The following PDE8B variants were observed in gnomAD, a reference collection of about 807,000 sequenced individuals.
The protein encoded by PDE8B is high affinity cAMP-specific and IBMX-insensitive 3',5'-cyclic phosphodiesterase 8B.
PDE8B carries 26 observed loss-of-function variants against 101.3 expected under a neutral mutation model. That is an observed-to-expected ratio of 0.26 (90% confidence interval 0.19 to 0.36). PDE8B has a LOEUF of 0.36. Among genes scored for constraint, PDE8B ranks in the 10% least tolerant of loss-of-function variants. The pLI, the probability that PDE8B is intolerant of heterozygous loss-of-function variation, is 1.00. For missense variants in PDE8B, 810 were observed against 1,163.1 expected (o/e 0.70, Z 4.42); for synonymous variants, 424 against 429.3 (o/e 0.99, Z 0.15).
At chr5:77,120,076 T>C in the PDE8B span, among the ~76,000 whole-genome samples, 29 of 152,194 alleles carry the variant, frequency 1.9e-4, 1 homozygote, top group African/African-American at 6.5e-4. Context: ...GGTATGTTCA[T>C]GCAATGGAAT....
At chr5:77,137,653 A>C in the PDE8B span, among the ~76,000 whole-genome samples, 1 of 152,158 alleles carries the variant, frequency 6.6e-6, no homozygotes, top group Non-Finnish European at 1.5e-5. Context: ...CCTGCAGAAA[A>C]AGGCTCCCTA....
At chr5:77,203,782 C>T in the PDE8B span, among the ~76,000 whole-genome samples, 1,327 of 152,222 alleles carry the variant, frequency 8.7e-3, 12 homozygotes, top group Non-Finnish European at 0.013. Context: ...ATGTGATACA[C>T]GGTAGCCACT....
intron 16 of PDE8B, among the ~76,000 whole-genome samples, chr5:77,412,700 A>G (rs1008782257): frequency 1.3e-5 from 2 of 152,118 alleles, no homozygotes; most frequent in African/African-American, 2.4e-5. Context: ...GTAAATAAGT[A>G]ACAGGACTCT....
the PDE8B span, among the ~76,000 whole-genome samples, chr5:77,203,930 T>C: frequency 1.1e-4 from 17 of 152,186 alleles, 1 homozygote; most frequent in Middle Eastern, 0.01. Flanking sequence ...CTTTAAAAAA[T>C]TGCCCATGAG....
intron 11 of PDE8B, among the ~76,000 whole-genome samples, chr5:77,401,960 A>G (rs1792377864): frequency 6.6e-6 from 1 of 152,206 alleles, no homozygotes; most frequent in Admixed American, 6.5e-5. Flanking sequence ...TTAGAATTCA[A>G]CCAGCTAGCC....
Position 77,404,762 on chromosome 5 carries a change from T to C in PDE8B, c.1253T>C (p.Ile418Thr). 1.2e-6 allele frequency: 2 copies of C among 1,608,240 alleles called. No individual in the cohort carries two copies. Among genetic ancestry groups the C allele is most frequent in the Non-Finnish European group, 1.7e-6 (2 of 1,174,724 alleles). The change falls in exon 12 of 22, where the codon ATT becomes ACT. Residue 418 changes from isoleucine to threonine, a missense_variant. This residue lies in a region of PDE8B where 75 missense variants were observed against 76.9 expected (regional missense o/e 0.98). Coordinates refer to ENST00000264917, the MANE Select transcript of PDE8B (RefSeq NM_003719.5). Reference protein sequence around the residue: ...FRYKNRRKESIDVKSISSRGS... With the variant: ...FRYKNRRKESTDVKSISSRGS... ...TATAAGAACAGGAGGAAAGAGTCCA[T>C]TGACGTGAAATCGATATCATCTCGA...
At chr5:77,277,222 C>T (rs1253788278) in intron 1 of PDE8B, among the ~76,000 whole-genome samples, 12 of 152,178 alleles carry the variant, frequency 7.9e-5, no homozygotes, top group African/African-American at 2.4e-5. Flanking sequence ...AAATCACCTG[C>T]ATACATTCTT....
chr5:77,136,836 T>G, the PDE8B span, among the ~76,000 whole-genome samples: 1 of 152,238 alleles, frequency 6.6e-6, no homozygotes, highest in Non-Finnish European at 1.5e-5. Flanking sequence ...TAGAAACTTC[T>G]GGTTCAGTTT....
At chr5:77,157,939 A>C in the PDE8B span, among the ~76,000 whole-genome samples, 115,550 of 151,732 alleles carry the variant, frequency 0.76, 44,347 homozygotes, top group African/African-American at 0.85. Context: ...ATTCAATCAG[A>C]CGGTATTTAC....
the PDE8B span, among the ~76,000 whole-genome samples, chr5:77,093,828 C>G: frequency 6.6e-6 from 1 of 152,240 alleles, no homozygotes; most frequent in African/African-American, 2.4e-5. Flanking sequence ...TTTCTCTGAT[C>G]TCTCGGTGTC....
intron 1 of PDE8B, chr5:77,291,262 G>A (rs770966987): frequency 7.4e-6 from 12 of 1,612,690 alleles, no homozygotes; most frequent in Non-Finnish European, 9.3e-6. Flanking sequence ...ATCCGAGTTG[G>A]GAACCCATGG....
At position 77,211,283 on chromosome 5, in the gene PDE8B, C is replaced by T. The variant is rs1195791474; in HGVS notation, c.339+19C>T. Reference sequence around the variant, plus strand: ...CGTGAAGGTAAATGCCCCGCGCTGGCACACGCCGTGGGGGCCGTCCGCCCC... The same window carrying T: ...CGTGAAGGTAAATGCCCCGCGCTGGTACACGCCGTGGGGGCCGTCCGCCCC... On this transcript the variant is annotated intron_variant, in intron 1 of 21. Transcript: ENST00000264917. This position sits in a 1 kb window ranked among gnomAD's most constrained non-coding sequence, Gnocchi z 4.1. 1 of 1,538,864 alleles carries T rather than the reference C, an allele frequency of 6.5e-7. No individual in the cohort carries two copies. The highest frequency in any genetic ancestry group is 8.7e-7 in the Non-Finnish European group (1 of 1,150,056).
chr5:77,371,558 T>G (rs1457565126), intron 10 of PDE8B, among the ~76,000 whole-genome samples: 1 of 152,212 alleles, frequency 6.6e-6, no homozygotes, highest in Non-Finnish European at 1.5e-5. Context: ...TTGCATGATT[T>G]GGTATTCTAT....
intron 18 of PDE8B, among the ~76,000 whole-genome samples, chr5:77,418,676 C>T (rs192636020): frequency 2.4e-4 from 36 of 152,344 alleles, no homozygotes; most frequent in African/African-American, 8.2e-4. Flanking sequence ...CAGAACACTA[C>T]ATAAATATTG....
At chr5:77,259,960 G>A (rs1760129896) in intron 1 of PDE8B, among the ~76,000 whole-genome samples, 1 of 152,008 alleles carries the variant, frequency 6.6e-6, no homozygotes, top group African/African-American at 2.4e-5. Context: ...TCAGGAGATC[G>A]AGACCAGCCT....
rs1757760914 is a variant in PDE8B at position 77,250,041 on chromosome 5, A to G, written c.339+38777A>G. Among the ~76,000 whole-genome samples, 6 of 152,228 alleles carry G rather than the reference A, an allele frequency of 3.9e-5. No individual in the cohort carries two copies. The South Asian group carries it at 1.2e-3, about 32-fold the overall frequency. ...GCTTAATTGCTTCCATTTTAAAGAG[A>G]AAAACAACGTAATAAGACTAAGATC... On this transcript the variant is annotated intron_variant, in intron 1 of 21. Coordinates refer to ENST00000264917, the MANE Select transcript of PDE8B (RefSeq NM_003719.5).
At chr5:77,317,200 T>G (rs963753940) in intron 2 of PDE8B, among the ~76,000 whole-genome samples, 4 of 152,236 alleles carry the variant, frequency 2.6e-5, no homozygotes, top group African/African-American at 7.2e-5. Flanking sequence ...TTTTTATGCT[T>G]CTTCTACTAA....
At chr5:77,375,496 C>A (rs1785890082) in intron 10 of PDE8B, among the ~76,000 whole-genome samples, 1 of 152,198 alleles carries the variant, frequency 6.6e-6, no homozygotes, top group Non-Finnish European at 1.5e-5. Flanking sequence ...AATTGAAAAG[C>A]TAGGAGAGAG....
chr5:77,353,553 C>A, intron 10 of PDE8B, 147 bp downstream of exon 10: 1 of 690,064 alleles, frequency 1.4e-6, no homozygotes, highest in South Asian at 1.6e-5. Flanking sequence ...AAATTTGGTT[C>A]CTCTGACAAA....
Sources: allele counts gnomAD v4.1 joint callset (sites outside exome capture counted in the v4.1 genomes callset), GRCh38; gene constraint gnomAD v4.1.1; regional missense constraint gnomAD v4.1.1; non-coding constraint Gnocchi (gnomAD v3.1); transcripts MANE v1.5; gene names NCBI Gene and HGNC (gene_info 2026-07-23, HGNC 2026-07-21).